MTFR1: variants seen among roughly 807,000 people sequenced by gnomAD.
MTFR1 encodes chondrocyte protein with a poly-proline region.
In MTFR1, 28 loss-of-function variants were observed where a neutral mutation model predicts 38.8. The ratio of observed to expected loss-of-function variants is 0.72; its 90% CI spans 0.53 to 0.99. The LOEUF (loss-of-function observed/expected upper bound fraction) is 0.99. MTFR1 is among the 50% of genes least tolerant of loss of function. The probability of loss-of-function intolerance (pLI) is 0.00; values close to 1 mark genes in which losing one functional copy is unlikely to be tolerated. For missense variants in MTFR1, 358 were observed against 395.5 expected (o/e 0.91, Z 0.81); for synonymous variants, 145 against 137.0 (o/e 1.06, Z -0.41).
intron 3 of MTFR1, chr8:65,722,383 T>TA (rs1263514849): frequency 6.6e-6 from 1 of 152,270 alleles, no homozygotes; most frequent in Admixed American, 6.5e-5. Context: ...ATGTAAGAAT[T>TA]ACGTTTCTGA....
At chr8:65,730,577 C>G (rs117094893) in intron 3 of MTFR1, among the ~76,000 whole-genome samples, 1 of 152,210 alleles carries the variant, frequency 6.6e-6, no homozygotes, top group Non-Finnish European at 1.5e-5. Context: ...TATTGTCTTC[C>G]GTGAAACTGG....
At chr8:65,662,298 CTG>C (rs1229469239) in intron 1 of MTFR1, among the ~76,000 whole-genome samples, 1 of 152,106 alleles carries the variant, frequency 6.6e-6, no homozygotes, top group Non-Finnish European at 1.5e-5. Context: ...CGGGATTTCG[CTG>C]TGTTGGCCGG....
intron 4 of MTFR1, among the ~76,000 whole-genome samples, chr8:65,700,702 G>A (rs1434310027): frequency 1.3e-5 from 2 of 152,158 alleles, no homozygotes; most frequent in Non-Finnish European, 2.9e-5. Flanking sequence ...ACTGCATCAG[G>A]CAAACCTGCC....
chr8:65,740,504 G>T (rs374573482), intron 3 of MTFR1, among the ~76,000 whole-genome samples: 1 of 152,008 alleles, frequency 6.6e-6, no homozygotes, highest in Admixed American at 6.6e-5. Context: ...GAGTTCAAGC[G>T]ATTCTCCTGC....
chr8:65,708,793 T>G (rs1413965003), intron 7 of MTFR1, among the ~76,000 whole-genome samples, 183 bp from the exon 8 acceptor site: 1 of 152,212 alleles, frequency 6.6e-6, no homozygotes, highest in African/African-American at 2.4e-5. Context: ...TACCTTTCAT[T>G]CTGTTGATAT....
chr8:65,753,435 G>C (rs887218959), intron 3 of MTFR1, among the ~76,000 whole-genome samples: 1 of 152,106 alleles, frequency 6.6e-6, no homozygotes, highest in Non-Finnish European at 1.5e-5. Context: ...GACTGCACTG[G>C]ACCCTGCTTA....
At chr8:65,693,881 C>G (rs1805355932) in intron 4 of MTFR1, 122 bp downstream of exon 4, 1 of 710,532 alleles carries the variant, frequency 1.4e-6, no homozygotes, top group Admixed American at 2.7e-5. Flanking sequence ...TCTTCTTTTT[C>G]TTGAACAGTC....
chr8:65,723,199 T>A (rs1806459303), intron 3 of MTFR1: 1 of 157,640 alleles, frequency 6.3e-6, no homozygotes, highest in Non-Finnish European at 1.4e-5. Flanking sequence ...ATTTTATTTA[T>A]TTTATTTTTG....
At chr8:65,727,001 T>G (rs768851001) in intron 3 of MTFR1, 1 of 1,200,524 alleles carries the variant, frequency 8.3e-7, no homozygotes, top group South Asian at 1.2e-5. Flanking sequence ...TACTTAATGA[T>G]ACGTCTCTTT....
intron 1 of MTFR1, among the ~76,000 whole-genome samples, chr8:65,653,230 C>T (rs200356684): frequency 0.19 from 29,205 of 152,086 alleles, 2,955 homozygotes; most frequent in Middle Eastern, 0.23. Flanking sequence ...TATTTAAGAT[C>T]GAGCACAGTG....
chr8:65,737,808 C>T (rs1329600131), intron 3 of MTFR1, among the ~76,000 whole-genome samples: 1 of 152,168 alleles, frequency 6.6e-6, no homozygotes, highest in Non-Finnish European at 1.5e-5. Context: ...CGTGAGCCAC[C>T]ATGCCCAGCA....
chr8:65,700,349 T>TAAAAAAAAAAAAAAAAA (rs551471575), intron 4 of MTFR1, among the ~76,000 whole-genome samples: 2 of 106,802 alleles, frequency 1.9e-5, no homozygotes, highest in African/African-American at 3.5e-5. Context: ...AGACCTATCT[T>TAAAAAAAAAAAAAAAAA]AAAAAAAAAA....
chr8:65,668,517 T>C (rs189095850), intron 1 of MTFR1, among the ~76,000 whole-genome samples: 2 of 122,464 alleles, frequency 1.6e-5, no homozygotes, highest in East Asian at 2.0e-4. Context: ...TTTTTGTTTT[T>C]CTTTTTTCTT....
chr8:65,730,726 G>A (rs746206281), intron 3 of MTFR1, among the ~76,000 whole-genome samples: 12 of 151,894 alleles, frequency 7.9e-5, no homozygotes, highest in South Asian at 4.2e-4. Flanking sequence ...TCAGGAGTTC[G>A]AGACTAGCCT....
chr8:65,729,831 A>T (rs1225880084), intron 3 of MTFR1, among the ~76,000 whole-genome samples: 1 of 151,986 alleles, frequency 6.6e-6, no homozygotes, highest in Non-Finnish European at 1.5e-5. Context: ...GGCCTCCCAA[A>T]GTGCTGGAAT....
intron 4 of MTFR1, among the ~76,000 whole-genome samples, chr8:65,696,986 T>TC (rs1805463125): frequency 7.4e-6 from 1 of 135,482 alleles, no homozygotes; most frequent in Admixed American, 7.5e-5. Flanking sequence ...GGGACTGGCT[T>TC]TTTTTTTTTT....
At chr8:65,648,500 C>G (rs1017648101) in intron 1 of MTFR1, among the ~76,000 whole-genome samples, 1 of 152,132 alleles carries the variant, frequency 6.6e-6, no homozygotes, top group Non-Finnish European at 1.5e-5. Context: ...CCAGAACATT[C>G]CACCTCTGAA....
intron 4 of MTFR1, among the ~76,000 whole-genome samples, chr8:65,700,373 A>G (rs200458287): frequency 0.027 from 4,089 of 151,614 alleles, 132 homozygotes; most frequent in African/African-American, 0.078. Flanking sequence ...AAAAGAAAAA[A>G]GAAAACAAAA....
At chr8:65,728,638 T>C (rs1002389108) in intron 3 of MTFR1, 1 of 149,086 alleles carries the variant, frequency 6.7e-6, no homozygotes, top group Non-Finnish European at 1.5e-5. Flanking sequence ...ATGCATAGGA[T>C]ATAAAGCATA....
Sources: gnomAD v4.1 joint callset for allele counts (sites outside exome capture counted in the v4.1 genomes callset) on GRCh38, gnomAD v4.1.1 for gene constraint, MANE v1.5 for transcripts, NCBI Gene and HGNC (gene_info 2026-07-23, HGNC 2026-07-21) for gene names.